The following FNDC1 variants were observed in gnomAD, a reference collection of about 807,000 sequenced individuals.
FNDC1 encodes fibronectin type III domain containing 1, also known as fibronectin type III domain-containing protein 1.
In FNDC1, 96 loss-of-function variants were observed where a neutral mutation model predicts 168.0. The ratio of observed to expected loss-of-function variants is 0.57; its 90% CI spans 0.48 to 0.68. The LOEUF is 0.68. FNDC1 is among the 30% of genes least tolerant of loss of function. The pLI is 0.00. For synonymous variants in FNDC1, 1,099 were observed against 1,025.9 expected, an observed-to-expected ratio of 1.07 and a Z score of -1.36; for missense variants, 2,587 against 2,482.1, an observed-to-expected ratio of 1.04 and a Z score of -0.90.
intron 4 of FNDC1, among the ~76,000 whole-genome samples, chr6:159,207,539 G>A (rs1782512067): frequency 6.6e-6 from 1 of 152,204 alleles, no homozygotes; most frequent in African/African-American, 2.4e-5. Context: ...AAGAGGGCAG[G>A]TGTGGGTCTG....
At position 159,233,664 on chromosome 6, in the gene FNDC1, C is replaced by G. The variant is rs760581131; in HGVS notation, c.3152C>G (p.Ser1051Cys). ...PRPTSQGRSH[S>C]SSDPYTASSR... ...CCCACGTCGCAGGGCCGCTCCCACT[C>G]CTCCTCGGACCCTTACACGGCGAGC... Residue 1051 changes from serine to cysteine, a missense_variant, in exon 11 of 23, where the codon TCC (serine) becomes TGC (cysteine). By Grantham distance (112) the Ser-to-Cys change is moderately radical (BLOSUM62 -1). Transcript: ENST00000297267. The surrounding 1 kb of genome is among the most constrained non-coding windows in gnomAD (Gnocchi z 4.6). 6.4e-7 allele frequency: 1 copy of G among 1,550,922 alleles called. No homozygotes were observed. Among genetic ancestry groups the G allele is most frequent in the African/African-American group, 1.4e-5 (1 of 73,218 alleles).
chr6:159,238,507 C>A, intron 12 of FNDC1, 47 bp from the exon 13 acceptor site: 1 of 1,346,678 alleles, frequency 7.4e-7, no homozygotes, highest in South Asian at 1.3e-5. Context: ...CTAATGTGAT[C>A]ATTTCAAAAT....
At chr6:159,179,839 T>A (rs895267897) in intron 1 of FNDC1, among the ~76,000 whole-genome samples, 2 of 152,206 alleles carry the variant, frequency 1.3e-5, no homozygotes, top group African/African-American at 4.8e-5. Context: ...TAGTTACATA[T>A]GATATACCTA....
chr6:159,180,030 G>T (rs1478566412), intron 1 of FNDC1, among the ~76,000 whole-genome samples: 1 of 152,190 alleles, frequency 6.6e-6, no homozygotes, highest in African/African-American at 2.4e-5. Flanking sequence ...TACACAGTAT[G>T]TGAGTGTCCT....
chr6:159,199,925 T>C lies in FNDC1; in HGVS notation c.305-71T>C, dbSNP rs772477834. Reference sequence around the variant, plus strand: ...CTGGTATAAGGAAGATGGTTATGCATGGTTAGTGAGTGAAACTGTGTCATT... The same window carrying C: ...CTGGTATAAGGAAGATGGTTATGCACGGTTAGTGAGTGAAACTGTGTCATT... On this transcript the variant is annotated intron_variant, in intron 2 of 22. Coordinates refer to ENST00000297267, the MANE Select transcript of FNDC1 (RefSeq NM_032532.3). The C allele has an allele frequency of 1.5e-5, 19 of 1,301,390 alleles. No individual in the cohort carries two copies. In the African/African-American group the frequency reaches 2.0e-4, roughly 14 times the overall value. 80.6% of individuals were successfully genotyped at this position (1,301,390 alleles called of 1,614,324 possible).
At chr6:159,243,131 T>C (rs1478940507) in intron 14 of FNDC1, 1 of 151,498 alleles carries the variant, frequency 6.6e-6, no homozygotes, top group Non-Finnish European at 1.5e-5. Context: ...AAGCAAGACC[T>C]TAAGGTATAG....
In FNDC1 at chr6:159,232,642, C is replaced by T. The variant is rs761095721; in HGVS notation, c.2130C>T (p.Ser710=). The change falls in exon 11 of 23, where the codon TCC becomes TCT. Residue 710 remains serine (S), a synonymous_variant. Transcript: ENST00000297267. This position sits in a 1 kb window ranked among gnomAD's most constrained non-coding sequence, Gnocchi z 4.9. Reference sequence around the variant, plus strand: ...ATTCAGGGGCCGCAGAGGAAGATTCCAGTGCCTCAGCCCCACCCTCAAGAC... The same window carrying T: ...ATTCAGGGGCCGCAGAGGAAGATTCTAGTGCCTCAGCCCCACCCTCAAGAC... ...TPHSGAAEED[S]SASAPPSRLS... 3.7e-6 allele frequency: 6 copies of T among 1,612,486 alleles called. No homozygotes were observed. The East Asian group carries it at 1.1e-4, about 30-fold the overall frequency.
chr6:159,207,049 T>A (rs550866494), intron 4 of FNDC1, among the ~76,000 whole-genome samples: 1 of 152,260 alleles, frequency 6.6e-6, no homozygotes, highest in South Asian at 2.1e-4. Context: ...TTTGACTCCA[T>A]TTAGCCAGAT....
Position 159,169,676 on chromosome 6 carries a change from T to C in FNDC1, c.80T>C (p.Leu27Pro), listed in dbSNP as rs1418585900. 1.7e-6 allele frequency: 2 copies of C among 1,162,694 alleles called. No homozygotes were observed. The highest frequency in any genetic ancestry group is 2.1e-6 in the Non-Finnish European group (2 of 944,322). 72.0% of individuals were successfully genotyped at this position (1,162,694 alleles called of 1,614,324 possible). A position where few individuals can be genotyped will look rare whatever the true frequency, so the allele number is the denominator to read the frequency against. ...WAALLLLAAL[L>P]PVASSAAASV... ...GCGCTGCTGCTCTTGGCCGCGCTGCTCCCCGTCGCCTCCTCGGCGGCGGCC... is the reference window on the plus strand; with the variant it reads ...GCGCTGCTGCTCTTGGCCGCGCTGCCCCCCGTCGCCTCCTCGGCGGCGGCC... Residue 27 changes from leucine (L) to proline (P), a missense_variant, in exon 1 of 23, where the codon CTC (leucine) becomes CCC (proline). Physicochemically the swap from Leu to Pro is moderately conservative, Grantham distance 98. Coordinates refer to ENST00000297267, the MANE Select transcript of FNDC1 (RefSeq NM_032532.3). The surrounding 1 kb of genome is among the most constrained non-coding windows in gnomAD (Gnocchi z 6.8).
chr6:159,190,136 A>T (rs1782102287), intron 1 of FNDC1, among the ~76,000 whole-genome samples: 1 of 152,142 alleles, frequency 6.6e-6, no homozygotes, highest in Non-Finnish European at 1.5e-5. Flanking sequence ...AGGTGGCGCG[A>T]GGTGGTCCTC....
intron 4 of FNDC1, among the ~76,000 whole-genome samples, chr6:159,203,482 T>G (rs1213336897): frequency 6.6e-6 from 1 of 152,140 alleles, no homozygotes; most frequent in Non-Finnish European, 1.5e-5. Context: ...CGTCCAAATA[T>G]GAAACCTCTC....
At chr6:159,208,551 C>T (rs954731739) in intron 4 of FNDC1, among the ~76,000 whole-genome samples, 5 of 152,190 alleles carry the variant, frequency 3.3e-5, no homozygotes, top group Non-Finnish European at 5.9e-5. Context: ...TCTTGGCATT[C>T]GGCAGCCCAG....
intron 1 of FNDC1, among the ~76,000 whole-genome samples, chr6:159,196,485 A>G (rs1229801973): frequency 6.6e-6 from 1 of 152,188 alleles, no homozygotes; most frequent in Non-Finnish European, 1.5e-5. Context: ...ATGTGTCATC[A>G]CTAAACATGC....
chr6:159,182,829 A>G (rs979843985), intron 1 of FNDC1, among the ~76,000 whole-genome samples: 2 of 152,258 alleles, frequency 1.3e-5, no homozygotes, highest in African/African-American at 4.8e-5. Flanking sequence ...TTTTGGATTT[A>G]CAATCAATAG....
Position 159,234,036 on chromosome 6 carries a change from T to C in FNDC1, c.3524T>C (p.Val1175Ala), listed in dbSNP as rs867337986. 6.2e-7 allele frequency: 1 copy of C among 1,611,920 alleles called. No homozygotes were observed. The highest frequency in any genetic ancestry group is 8.5e-7 in the Non-Finnish European group (1 of 1,179,296). The change falls in exon 11 of 23, where the codon GTC becomes GCC. Residue 1175 changes from valine (V) to alanine (A), a missense_variant. Val to Ala is a moderately conservative substitution (Grantham distance 64, BLOSUM62 0). Transcript: ENST00000297267. ...CTGTCCTCCAAGTCCCAGCAGTCGGTCTCAGCCGAGGACGACGAGGAGGAG... is the reference window on the plus strand; with the variant it reads ...CTGTCCTCCAAGTCCCAGCAGTCGGCCTCAGCCGAGGACGACGAGGAGGAG... ...RPLSSKSQQS[V>A]SAEDDEEEDA...
intron 19 of FNDC1, among the ~76,000 whole-genome samples, chr6:159,263,253 A>T (rs73023787): frequency 3.9e-4 from 59 of 152,278 alleles, no homozygotes; most frequent in Non-Finnish European, 6.2e-4. Context: ...ATAGCAGAGG[A>T]CATCAGAACA....
intron 3 of FNDC1, 130 bp from the exon 4 acceptor site, chr6:159,200,383 A>G: frequency 6.8e-6 from 5 of 734,592 alleles, no homozygotes; most frequent in South Asian, 1.9e-5. Flanking sequence ...TCCAGTCACT[A>G]ATATGGGCTG....
chr6:159,169,989 G>A lies in FNDC1; in HGVS notation c.109+284G>A, dbSNP rs1781617769. 3 of 183,386 alleles carry A rather than the reference G, an allele frequency of 1.6e-5. No individual in the cohort carries two copies. The highest frequency in any genetic ancestry group is 2.0e-4 in the South Asian group (1 of 5,106). The allele number at this position is 183,386 out of a possible 1,614,324, so 11.4% of individuals were successfully genotyped here. A position where few individuals can be genotyped will look rare whatever the true frequency, so the allele number is the denominator to read the frequency against. On this transcript the variant is annotated intron_variant, in intron 1 of 22. Coordinates refer to ENST00000297267, the MANE Select transcript of FNDC1 (RefSeq NM_032532.3). The surrounding 1 kb of genome is among the most constrained non-coding windows in gnomAD (Gnocchi z 6.8). ...TCCCGGGAGATTCAGGCACAGCGGGGAAAAAAGGAAAAGAAAGGCGACTTT... is the reference window on the plus strand; with the variant it reads ...TCCCGGGAGATTCAGGCACAGCGGGAAAAAAAGGAAAAGAAAGGCGACTTT...
chr6:159,258,255 G>T (rs1010763738), intron 18 of FNDC1, among the ~76,000 whole-genome samples: 1 of 152,194 alleles, frequency 6.6e-6, no homozygotes, highest in African/African-American at 2.4e-5. Context: ...ACATGGCCCT[G>T]CCCTCAAGGA....
Sources: allele counts gnomAD v4.1 joint callset (sites outside exome capture counted in the v4.1 genomes callset), GRCh38; gene constraint gnomAD v4.1.1; non-coding constraint Gnocchi (gnomAD v3.1); transcripts MANE v1.5; gene names NCBI Gene and HGNC (gene_info 2026-07-23, HGNC 2026-07-21).